The following ANKS1B variants were observed in gnomAD, a reference collection of about 807,000 sequenced individuals.
The protein encoded by ANKS1B is ankyrin repeat and sterile alpha motif domain containing 1B.
A neutral mutation model predicts 148.3 loss-of-function variants in ANKS1B; 36 were observed. That is an observed-to-expected ratio of 0.24 (90% CI 0.19 to 0.32). The LOEUF (loss-of-function observed/expected upper bound fraction) is 0.32. Ranked by LOEUF, ANKS1B falls within the 10% of genes least tolerant of loss-of-function variation. ANKS1B has a pLI of 1.00. For synonymous variants in ANKS1B, 542 were observed against 560.8 expected, an observed-to-expected ratio of 0.97 and a Z score of 0.47; for missense variants, 1,157 against 1,542.6, an observed-to-expected ratio of 0.75 and a Z score of 4.19.
At chr12:98,770,303 T>A (rs973599157) in intron 25 of ANKS1B, among the ~76,000 whole-genome samples, 1 of 152,298 alleles carries the variant, frequency 6.6e-6, no homozygotes, top group African/African-American at 2.4e-5. Flanking sequence ...TTCTATGACA[T>A]CAATCCAACC....
At chr12:99,314,165 C>T (rs1365500605) in intron 12 of ANKS1B, among the ~76,000 whole-genome samples, 1 of 152,138 alleles carries the variant, frequency 6.6e-6, no homozygotes, top group Non-Finnish European at 1.5e-5. Context: ...CTCCCATTCA[C>T]AATTGCTACA....
intron 12 of ANKS1B, among the ~76,000 whole-genome samples, chr12:99,308,664 G>A (rs2082686644): frequency 6.6e-6 from 1 of 151,714 alleles, no homozygotes; most frequent in African/African-American, 2.4e-5. Flanking sequence ...AAACTTTGTT[G>A]AAATATGATA....
chr12:98,841,832 C>T (rs958645262), intron 17 of ANKS1B, among the ~76,000 whole-genome samples: 2 of 152,104 alleles, frequency 1.3e-5, no homozygotes, highest in Non-Finnish European at 2.9e-5. Flanking sequence ...CCACTATCCC[C>T]TTCCTTATCT....
At chr12:99,940,828 C>T (rs938591659) in intron 1 of ANKS1B, among the ~76,000 whole-genome samples, 7 of 152,142 alleles carry the variant, frequency 4.6e-5, no homozygotes, top group Middle Eastern at 6.8e-3. Context: ...GGGTGAAAGA[C>T]GACTTCTAGC....
In ANKS1B at chr12:99,654,014, T is replaced by C. The variant is rs557157638; in HGVS notation, c.1272+1053A>G. ...CGCGTTAGACTGCAGATGCTGAGCA[T>C]CAAAAGGTTGAATCTCTACCTTTAT... On this transcript the variant is annotated intron_variant, in intron 9 of 26. Coordinates refer to ENST00000683438, the MANE Select transcript of ANKS1B (RefSeq NM_001352186.2). 2.6e-5 allele frequency among the ~76,000 whole-genome samples: 4 copies of C among 152,294 alleles called. No homozygotes were observed. The East Asian group carries it at 7.7e-4, about 29-fold the overall frequency.
chr12:99,875,401 C>A (rs1380543853), intron 1 of ANKS1B, among the ~76,000 whole-genome samples: 2 of 150,726 alleles, frequency 1.3e-5, no homozygotes, highest in African/African-American at 4.9e-5. Flanking sequence ...TATCAAGCCA[C>A]AAAAATTGTG....
At chr12:99,542,354 A>T (rs1176031361) in intron 9 of ANKS1B, among the ~76,000 whole-genome samples, 1 of 151,544 alleles carries the variant, frequency 6.6e-6, no homozygotes, top group Non-Finnish European at 1.5e-5. Flanking sequence ...TCACAAAAAA[A>T]ATCTAAGATT....
intron 8 of ANKS1B, among the ~76,000 whole-genome samples, chr12:99,760,286 C>T (rs1252850352): frequency 2.0e-5 from 3 of 151,702 alleles, no homozygotes; most frequent in Non-Finnish European, 4.4e-5. Context: ...ACATGCTCAG[C>T]CATAAAGCGA....
At position 99,209,454 on chromosome 12, in the gene ANKS1B, G is replaced by C. The variant is rs565177049; in HGVS notation, c.2419+34888C>G. On this transcript the variant is annotated intron_variant, in intron 14 of 26. Transcript: ENST00000683438. ...TACTATCTGCCTGTGGACTGGACTG[G>C]ATCCTGAATTTGTCTAGTTTCCTCC... 2.6e-5 allele frequency among the ~76,000 whole-genome samples: 4 copies of C among 152,244 alleles called. No homozygotes were observed. The East Asian group carries it at 5.8e-4, about 22-fold the overall frequency.
In ANKS1B at chr12:98,777,267, GC is replaced by G. The variant is rs534362879; in HGVS notation, c.3441+3849del. ...AGGCAAATGTTCCAAAGTATTTTGT[GC>G]CCCTAAAATAGCATAGGCCTTGTTT... On this transcript the variant is annotated intron_variant, in intron 24 of 26. Coordinates refer to ENST00000683438, the MANE Select transcript of ANKS1B (RefSeq NM_001352186.2). Among the ~76,000 whole-genome samples, 21 of 152,244 alleles carry G rather than the reference GC, an allele frequency of 1.4e-4. No individual in the cohort carries two copies. In the South Asian group the frequency reaches 4.1e-3, roughly 30 times the overall value.
chr12:98,956,535 G>A (rs1477128610), intron 17 of ANKS1B: 1 of 152,066 alleles, frequency 6.6e-6, no homozygotes, highest in African/African-American at 2.4e-5. Context: ...TTATCTCTTA[G>A]ATTTATTATC....
intron 12 of ANKS1B, among the ~76,000 whole-genome samples, chr12:99,384,169 A>C (rs1283993825): frequency 1.3e-5 from 2 of 152,186 alleles, no homozygotes; most frequent in East Asian, 1.9e-4. Flanking sequence ...AGCTCAAGAA[A>C]TATTTATTGA....
chr12:99,078,279 G>C (rs1599544641), intron 16 of ANKS1B, among the ~76,000 whole-genome samples: 1 of 152,140 alleles, frequency 6.6e-6, no homozygotes, highest in East Asian at 1.9e-4. Flanking sequence ...GTCCAATAGA[G>C]TTTAGTAGAC....
At chr12:98,822,875 T>C (rs1445698822) in intron 19 of ANKS1B, among the ~76,000 whole-genome samples, 1 of 152,208 alleles carries the variant, frequency 6.6e-6, no homozygotes, top group African/African-American at 2.4e-5. Context: ...TCCCACTTCT[T>C]CCAATTATTT....
intron 10 of ANKS1B, among the ~76,000 whole-genome samples, chr12:99,493,485 C>CCAAGGAAGTGTTACAAGGGAAA (rs1309569744): frequency 2.6e-5 from 4 of 152,044 alleles, no homozygotes; most frequent in African/African-American, 9.7e-5. Context: ...TTATAATAGT[C>CCAAGGAAGTGTTACAAGGGAAA]CAGGACAGTT....
intron 15 of ANKS1B, among the ~76,000 whole-genome samples, chr12:99,153,086 G>A (rs1027190871): frequency 1.3e-5 from 2 of 152,028 alleles, no homozygotes; most frequent in Non-Finnish European, 2.9e-5. Context: ...ATTACTTAGA[G>A]CTCATATATC....
At chr12:99,376,225 G>A (rs534262331) in intron 12 of ANKS1B, among the ~76,000 whole-genome samples, 12 of 151,862 alleles carry the variant, frequency 7.9e-5, no homozygotes, top group East Asian at 3.9e-4. Flanking sequence ...CTGTGGATAC[G>A]AAAAAAAATG....
At chr12:99,908,114 C>T (rs756268368) in intron 1 of ANKS1B, among the ~76,000 whole-genome samples, 5 of 152,056 alleles carry the variant, frequency 3.3e-5, no homozygotes, top group Non-Finnish European at 7.4e-5. Context: ...ATAATAGCAC[C>T]AATGAACTCC....
chr12:99,946,014 G>A (rs111350847), intron 1 of ANKS1B, among the ~76,000 whole-genome samples: 4 of 152,164 alleles, frequency 2.6e-5, no homozygotes, highest in Admixed American at 2.0e-4. Flanking sequence ...AATATCTGGA[G>A]GGAGGCTGCC....
Sources: allele counts gnomAD v4.1 joint callset (sites outside exome capture counted in the v4.1 genomes callset), GRCh38; gene constraint gnomAD v4.1.1; transcripts MANE v1.5; gene names NCBI Gene and HGNC (gene_info 2026-07-23, HGNC 2026-07-21).